KCNN2: variants seen among roughly 807,000 people sequenced by gnomAD.
KCNN2 encodes the protein small conductance calcium-activated potassium channel protein 2.
In KCNN2, 24 loss-of-function variants were observed where a neutral mutation model predicts 55.5. That is an observed-to-expected ratio of 0.43 (90% CI 0.31 to 0.61). The LOEUF (loss-of-function observed/expected upper bound fraction) is 0.61. KCNN2 is among the 20% of genes least tolerant of loss of function. KCNN2 has a pLI of 0.08. For synonymous variants in KCNN2, 431 were observed against 336.1 expected, an observed-to-expected ratio of 1.28 and a Z score of -3.09; for missense variants, 754 against 853.6, an observed-to-expected ratio of 0.88 and a Z score of 1.45.
chr5:114,124,539 A>G (rs1277452906), intron 1 of KCNN2, among the ~76,000 whole-genome samples: 1 of 152,156 alleles, frequency 6.6e-6, no homozygotes, highest in Non-Finnish European at 1.5e-5. Context: ...CAAAATTATT[A>G]CAAGTAGAAG....
intron 2 of KCNN2, among the ~76,000 whole-genome samples, chr5:114,254,245 A>G (rs1429654835): frequency 2.0e-5 from 3 of 152,196 alleles, no homozygotes; most frequent in Non-Finnish European, 4.4e-5. Context: ...TACACTCAGC[A>G]TTTCTATTTT....
At chr5:114,304,980 A>G (rs977023485) in intron 2 of KCNN2, among the ~76,000 whole-genome samples, 1 of 152,216 alleles carries the variant, frequency 6.6e-6, no homozygotes, top group Admixed American at 6.5e-5. Context: ...CCAAAATAAC[A>G]GATTGCTGAT....
intron 2 of KCNN2, among the ~76,000 whole-genome samples, chr5:114,364,669 A>G (rs1174938504): frequency 6.7e-6 from 1 of 148,238 alleles, no homozygotes; most frequent in Non-Finnish European, 1.5e-5. Flanking sequence ...CAGGAGCTCT[A>G]TATTTGACTG....
intron 1 of KCNN2, among the ~76,000 whole-genome samples, chr5:114,174,153 A>G (rs2112546088): frequency 6.6e-6 from 1 of 152,214 alleles, no homozygotes; most frequent in African/African-American, 2.4e-5. Context: ...TTGAAGTAAA[A>G]CGATCAAAAA....
intron 2 of KCNN2, among the ~76,000 whole-genome samples, chr5:114,370,469 T>C (rs1170973792): frequency 6.6e-6 from 1 of 151,978 alleles, no homozygotes; most frequent in Non-Finnish European, 1.5e-5. Context: ...ATAAACAAAA[T>C]TTTTGGAAGT....
chr5:114,280,893 C>G (rs1280720481), intron 2 of KCNN2, among the ~76,000 whole-genome samples: 1 of 152,108 alleles, frequency 6.6e-6, no homozygotes, highest in African/African-American at 2.4e-5. Flanking sequence ...TCCTAAAACT[C>G]TTGCCTGTCC....
intron 1 of KCNN2, among the ~76,000 whole-genome samples, chr5:114,121,047 C>G (rs1025475693): frequency 2.0e-5 from 3 of 152,206 alleles, no homozygotes; most frequent in Admixed American, 6.5e-5. Flanking sequence ...CCTATGATGT[C>G]TGGAATGGTC....
At chr5:114,398,562 T>C (rs529051329) in intron 2 of KCNN2, among the ~76,000 whole-genome samples, 4 of 152,050 alleles carry the variant, frequency 2.6e-5, no homozygotes, top group South Asian at 2.1e-4. Flanking sequence ...AATTTTAAAA[T>C]AGTTTTTTCT....
chr5:114,230,138 G>A (rs977369218), intron 2 of KCNN2, among the ~76,000 whole-genome samples: 15 of 151,966 alleles, frequency 9.9e-5, no homozygotes, highest in African/African-American at 3.6e-4. Flanking sequence ...TCCTTTAAAT[G>A]TATTTATTTA....
At chr5:114,302,185 T>C (rs1380018157) in intron 2 of KCNN2, among the ~76,000 whole-genome samples, 1 of 152,226 alleles carries the variant, frequency 6.6e-6, no homozygotes, top group African/African-American at 2.4e-5. Flanking sequence ...TTTGTACTGT[T>C]GAACTTAGAA....
chr5:114,327,461 C>A lies in KCNN2; in HGVS notation c.-184-33484C>A, dbSNP rs139861088. On this transcript the variant is annotated intron_variant, in intron 2 of 10. Coordinates refer to the KCNN2 transcript ENST00000512097. Reference sequence around the variant, plus strand: ...TAACACAGATGTCATAATTACATCACTTCAAAGCACAGACAAAAGTCACAT... The same window carrying A: ...TAACACAGATGTCATAATTACATCAATTCAAAGCACAGACAAAAGTCACAT... Among the ~76,000 whole-genome samples the A allele has an allele frequency of 1.8e-3, 273 of 152,276 alleles. 1 individual carries two copies. The highest frequency in any genetic ancestry group is 6.4e-3 in the African/African-American group (264 of 41,542).
chr5:114,441,573 T>A (rs185293788), intron 3 of KCNN2, among the ~76,000 whole-genome samples: 7 of 152,274 alleles, frequency 4.6e-5, no homozygotes, highest in African/African-American at 1.7e-4. Context: ...TCCCTAGCAA[T>A]AAACACTATA....
intron 1 of KCNN2, among the ~76,000 whole-genome samples, chr5:114,130,984 T>A (rs1456543499): frequency 1.3e-5 from 2 of 152,214 alleles, no homozygotes; most frequent in East Asian, 3.9e-4. Context: ...GAGCAAACAC[T>A]TTTCTGGGTC....
At position 114,476,147 on chromosome 5, in the gene KCNN2, A is replaced by G. The variant is rs183531674; in HGVS notation, c.1890+2983A>G. Among the ~76,000 whole-genome samples the G allele has an allele frequency of 6.1e-3, 908 of 148,104 alleles. 6 individuals are homozygous for G. Among genetic ancestry groups the G allele is most frequent in the Non-Finnish European group, 7.1e-3 (477 of 66,800 alleles). On this transcript the variant is annotated intron_variant, in intron 5 of 7. Coordinates refer to ENST00000673685, the MANE Select transcript of KCNN2 (RefSeq NM_021614.4). Reference sequence around the variant, plus strand: ...GGTGCGCTGCACCCACTAACTCGTCATCTAGCATTAGGTATATCTCCCAAT... The same window carrying G: ...GGTGCGCTGCACCCACTAACTCGTCGTCTAGCATTAGGTATATCTCCCAAT...
chr5:114,477,799 G>C (rs1032222728), intron 5 of KCNN2, among the ~76,000 whole-genome samples: 2 of 152,132 alleles, frequency 1.3e-5, no homozygotes, highest in Non-Finnish European at 2.9e-5. Context: ...AATTTTTAAA[G>C]TTGCTAGATA....
chr5:114,085,092 G>C (rs933819936), intron 1 of KCNN2, among the ~76,000 whole-genome samples: 12 of 151,522 alleles, frequency 7.9e-5, no homozygotes, highest in African/African-American at 2.9e-4. Context: ...TCTTTAGCTA[G>C]TACCGTGCTG....
At chr5:114,442,182 T>C (rs1427717403) in intron 3 of KCNN2, among the ~76,000 whole-genome samples, 1 of 151,702 alleles carries the variant, frequency 6.6e-6, no homozygotes, top group Non-Finnish European at 1.5e-5. Context: ...CTAGAGAGAT[T>C]TCACGTGGGG....
At chr5:114,266,152 A>G (rs184339869) in intron 2 of KCNN2, among the ~76,000 whole-genome samples, 1 of 152,268 alleles carries the variant, frequency 6.6e-6, no homozygotes, top group African/African-American at 2.4e-5. Context: ...AAAATTATTA[A>G]TGAGATACTT....
At chr5:114,390,635 A>G (rs1206021713) in intron 2 of KCNN2, among the ~76,000 whole-genome samples, 1 of 152,142 alleles carries the variant, frequency 6.6e-6, no homozygotes, top group Non-Finnish European at 1.5e-5. Context: ...GCAGTTACAG[A>G]GCTCATCAAT....
Sources: allele counts gnomAD v4.1 joint callset (sites outside exome capture counted in the v4.1 genomes callset), GRCh38; gene constraint gnomAD v4.1.1; transcripts MANE v1.5; gene names NCBI Gene and HGNC (gene_info 2026-07-23, HGNC 2026-07-21).